Variants in YAP1 observed in about 807,000 individuals in gnomAD.
YAP1 encodes transcriptional coactivator YAP1.
A neutral mutation model predicts 56.9 loss-of-function variants in YAP1; 5 were observed. The observed-to-expected ratio is 0.09, with a 90% CI of 0.05 to 0.18. The LOEUF is 0.18. YAP1 is among the 10% of genes least tolerant of loss of function. YAP1 has a pLI of 1.00. For synonymous variants in YAP1, 265 were observed against 248.1 expected, an observed-to-expected ratio of 1.07 and a Z score of -0.64; for missense variants, 539 against 651.8, an observed-to-expected ratio of 0.83 and a Z score of 1.88.
chr11:102,204,799 A>G (rs1565266288), intron 4 of YAP1, among the ~76,000 whole-genome samples: 1 of 152,172 alleles, frequency 6.6e-6, no homozygotes. Flanking sequence ...TATCAAGGTT[A>G]TGCTGGCCTT....
intron 2 of YAP1, among the ~76,000 whole-genome samples, chr11:102,138,786 T>A (rs1228736819): frequency 6.6e-6 from 1 of 152,250 alleles, no homozygotes; most frequent in Non-Finnish European, 1.5e-5. Context: ...CATCAAGTTA[T>A]GTACGTGTAT....
chr11:102,213,496 A>G (rs1349372712), intron 6 of YAP1, among the ~76,000 whole-genome samples: 1 of 152,150 alleles, frequency 6.6e-6, no homozygotes, highest in Non-Finnish European at 1.5e-5. Flanking sequence ...GAAAAAAAGA[A>G]AAAGAATTTG....
intron 3 of YAP1, among the ~76,000 whole-genome samples, chr11:102,178,906 T>G (rs1474377836): frequency 1.3e-5 from 2 of 152,152 alleles, no homozygotes; most frequent in African/African-American, 4.8e-5. Context: ...AAAAGGCAAG[T>G]GGGAACCAGT....
At chr11:102,180,536 G>A (rs538733714) in intron 3 of YAP1, among the ~76,000 whole-genome samples, 32 of 151,542 alleles carry the variant, frequency 2.1e-4, no homozygotes, top group Non-Finnish European at 3.5e-4. Flanking sequence ...CAAAAAATTA[G>A]CCAGGCATGG....
chr11:102,137,649 C>A lies in YAP1; in HGVS notation c.572+23255C>A, dbSNP rs533063634. Among the ~76,000 whole-genome samples, 5 of 152,188 alleles carry A rather than the reference C, an allele frequency of 3.3e-5. No individual in the cohort carries two copies. In the South Asian group the frequency reaches 1.0e-3, roughly 32 times the overall value. On this transcript the variant is annotated intron_variant, in intron 2 of 8. Transcript: ENST00000282441. ...AAATCACAGTAAAGCCAAGTTAAAT[C>A]TGACTTTTTAGGTTAAATGTTTTAT...
chr11:102,161,341 T>TA (rs1946271250), intron 2 of YAP1, among the ~76,000 whole-genome samples: 1 of 118,220 alleles, frequency 8.5e-6, no homozygotes, highest in Admixed American at 9.3e-5. Flanking sequence ...CTGTGTACTT[T>TA]CACTACACAC....
chr11:102,227,344 T>G, intron 7 of YAP1, 125 bp from the exon 8 acceptor site: 3 of 685,890 alleles, frequency 4.4e-6, no homozygotes, highest in Non-Finnish European at 7.6e-6. Context: ...TTTCAGACAT[T>G]GCAGGACAGG....
At chr11:102,215,367 A>G (rs1949609645) in intron 6 of YAP1, among the ~76,000 whole-genome samples, 1 of 152,230 alleles carries the variant, frequency 6.6e-6, no homozygotes. Flanking sequence ...TGTGCCATAT[A>G]TTATCGAAAA....
intron 2 of YAP1, among the ~76,000 whole-genome samples, chr11:102,133,400 A>C (rs562098982): frequency 6.6e-6 from 1 of 151,884 alleles, no homozygotes; most frequent in Non-Finnish European, 1.5e-5. Flanking sequence ...GGTTCAAGCA[A>C]TTCTCCTGCC....
chr11:102,113,867 A>T (rs1591098943), intron 1 of YAP1, among the ~76,000 whole-genome samples: 1 of 152,292 alleles, frequency 6.6e-6, no homozygotes, highest in East Asian at 1.9e-4. Flanking sequence ...TTCATTCAGT[A>T]CTAGTTGCCC....
At chr11:102,127,053 G>A (rs1255283218) in intron 2 of YAP1, among the ~76,000 whole-genome samples, 1 of 152,178 alleles carries the variant, frequency 6.6e-6, no homozygotes, top group East Asian at 1.9e-4. Context: ...AAGGTGACTT[G>A]GGTGCTGTTA....
chr11:102,164,720 T>C (rs1002840937), intron 3 of YAP1, among the ~76,000 whole-genome samples: 1 of 150,040 alleles, frequency 6.7e-6, no homozygotes, highest in East Asian at 1.9e-4. Context: ...TTTTAGTGGG[T>C]TTTTTTGTTT....
intron 5 of YAP1, among the ~76,000 whole-genome samples, chr11:102,206,931 G>A (rs773107114): frequency 7.2e-6 from 1 of 138,862 alleles, no homozygotes; most frequent in Non-Finnish European, 1.6e-5. Context: ...GGGGAAAGTA[G>A]GACATAGTAG....
intron 2 of YAP1, among the ~76,000 whole-genome samples, chr11:102,140,364 T>C (rs1264876756): frequency 6.6e-6 from 1 of 152,198 alleles, no homozygotes; most frequent in Non-Finnish European, 1.5e-5. Flanking sequence ...AAATTGAAAG[T>C]GTTCACATTT....
chr11:102,134,477 TTA>T (rs892357037), intron 2 of YAP1, among the ~76,000 whole-genome samples: 5 of 147,930 alleles, frequency 3.4e-5, no homozygotes, highest in African/African-American at 1.2e-4. Flanking sequence ...CTATGAAAAA[TTA>T]TATATATTTA....
Position 102,165,587 on chromosome 11 carries a change from C to A in YAP1, c.688+3016C>A, listed in dbSNP as rs144812825. 5.3e-3 allele frequency among the ~76,000 whole-genome samples: 800 copies of A among 152,004 alleles called. 7 individuals are homozygous for A. The highest frequency in any genetic ancestry group is 0.019 in the African/African-American group (767 of 41,440). On this transcript the variant is annotated intron_variant, in intron 3 of 8. Transcript: ENST00000282441. ...GTGAGGAGAGAGTTGGAAGAAGGAA[C>A]TGAAATGAGAAAAGCCACCTCTGAA...
At chr11:102,123,636 T>TC (rs572099726) in intron 2 of YAP1, among the ~76,000 whole-genome samples, 31 of 98,446 alleles carry the variant, frequency 3.1e-4, no homozygotes, top group African/African-American at 9.1e-4. Flanking sequence ...TCTTTTCTTT[T>TC]TTTTTTTTTC....
intron 6 of YAP1, among the ~76,000 whole-genome samples, chr11:102,215,518 A>C (rs1184549033): frequency 6.6e-6 from 1 of 152,254 alleles, no homozygotes; most frequent in Non-Finnish European, 1.5e-5. Flanking sequence ...CTCATCACCC[A>C]GGCTGGAGTG....
intron 3 of YAP1, among the ~76,000 whole-genome samples, chr11:102,182,805 A>G (rs1247507004): frequency 1.3e-5 from 2 of 150,012 alleles, no homozygotes; most frequent in Non-Finnish European, 3.0e-5. Context: ...ATCTCTTTCC[A>G]TATAACATTA....
Sources: gnomAD v4.1 joint callset for allele counts (sites outside exome capture counted in the v4.1 genomes callset) on GRCh38, gnomAD v4.1.1 for gene constraint, MANE v1.5 for transcripts, NCBI Gene and HGNC (gene_info 2026-07-23, HGNC 2026-07-21) for gene names.